B3GALT1: variants seen among roughly 807,000 people sequenced by gnomAD.
B3GALT1 encodes the protein beta-1,3-galactosyltransferase 1.
Under a neutral mutation model 23.2 loss-of-function variants are expected in B3GALT1, and 10 were observed. The observed-to-expected ratio is 0.43, with a 90% confidence interval of 0.27 to 0.73. B3GALT1 has a LOEUF of 0.73. Among genes scored for constraint, B3GALT1 ranks in the 30% least tolerant of loss-of-function variants. The pLI is 0.21. For synonymous variants in B3GALT1, 156 were observed against 141.5 expected, an observed-to-expected ratio of 1.10 and a Z score of -0.73; for missense variants, 299 against 405.4, an observed-to-expected ratio of 0.74 and a Z score of 2.25.
chr2:167,729,454 C>A (rs1687372918), intron 3 of B3GALT1, among the ~76,000 whole-genome samples: 2 of 152,118 alleles, frequency 1.3e-5, no homozygotes, highest in Admixed American at 1.3e-4. Flanking sequence ...CCCTGAAACA[C>A]CAGCTCAGAG....
chr2:167,759,656 A>G (rs1687870648), intron 3 of B3GALT1, among the ~76,000 whole-genome samples: 1 of 152,168 alleles, frequency 6.6e-6, no homozygotes, highest in East Asian at 1.9e-4. Context: ...TGATGAAACT[A>G]ATGGGCAGTG....
chr2:167,849,889 C>CAA (rs34125080), intron 4 of B3GALT1, among the ~76,000 whole-genome samples: 1,785 of 71,292 alleles, frequency 0.025, 52 homozygotes, highest in African/African-American at 0.087. Flanking sequence ...GACTCTGTCT[C>CAA]AAAAAAAAAA....
chr2:167,869,865 G>A lies in B3GALT1; in HGVS notation c.826G>A (p.Gly276Ser). 1 of 1,614,080 alleles carries A rather than the reference G, an allele frequency of 6.2e-7. No homozygotes were observed. Among genetic ancestry groups the A allele is most frequent in the Non-Finnish European group, 8.5e-7 (1 of 1,180,018 alleles). The change falls in exon 5 of 5, where the codon GGC becomes AGC. Residue 276 changes from glycine to serine, a missense_variant. By Grantham distance (56) the Gly-to-Ser change is moderately conservative. Coordinates refer to ENST00000392690, the MANE Select transcript of B3GALT1 (RefSeq NM_020981.4). This position sits in a 1 kb window ranked among gnomAD's most constrained non-coding sequence, Gnocchi z 6.4. ...VYVGLCLRKLGIHPFQNSGFN... is the reference protein window; with the variant it reads ...VYVGLCLRKLSIHPFQNSGFN... The stretch of plus-strand genomic sequence containing the variant: ...TGTGGGACTGTGTCTTCGAAAGCTG[G>A]GCATACATCCTTTCCAGAACAGTGG...
At chr2:167,617,390 A>T (rs1436408308) in intron 2 of B3GALT1, among the ~76,000 whole-genome samples, 1 of 152,096 alleles carries the variant, frequency 6.6e-6, no homozygotes, top group Non-Finnish European at 1.5e-5. Flanking sequence ...TGGCAAAGAG[A>T]CATGGTATGC....
intron 2 of B3GALT1, among the ~76,000 whole-genome samples, chr2:167,564,675 A>C (rs1195485051): frequency 6.6e-6 from 1 of 152,244 alleles, no homozygotes; most frequent in Admixed American, 6.5e-5. Context: ...AGCCCGGCCA[A>C]CACAGCGAAT....
chr2:167,518,293 A>T (rs1334799980), intron 2 of B3GALT1, among the ~76,000 whole-genome samples: 1 of 152,156 alleles, frequency 6.6e-6, no homozygotes, highest in Non-Finnish European at 1.5e-5. Flanking sequence ...CAAATGGAAA[A>T]TTATTTTCTT....
At chr2:167,568,434 AATAG>A (rs1026398849) in intron 2 of B3GALT1, among the ~76,000 whole-genome samples, 2 of 151,974 alleles carry the variant, frequency 1.3e-5, no homozygotes, top group Non-Finnish European at 2.9e-5. Flanking sequence ...TGGTCATTCT[AATAG>A]ATAGGTAGTG....
intron 1 of B3GALT1, among the ~76,000 whole-genome samples, chr2:167,439,827 T>G (rs1052795611): frequency 1.8e-5 from 2 of 110,822 alleles, no homozygotes; most frequent in Admixed American, 8.1e-5. Context: ...TTTTGTAGTA[T>G]TTTTTTTTTT....
At chr2:167,476,586 C>A (rs572002010) in intron 1 of B3GALT1, among the ~76,000 whole-genome samples, 2 of 152,014 alleles carry the variant, frequency 1.3e-5, no homozygotes, top group African/African-American at 4.8e-5. Flanking sequence ...GGAATTCTGT[C>A]GAATATTCAG....
chr2:167,694,654 T>C (rs1195136636), intron 3 of B3GALT1, among the ~76,000 whole-genome samples: 1 of 152,130 alleles, frequency 6.6e-6, no homozygotes, highest in Admixed American at 6.6e-5. Flanking sequence ...ATAACAAAAA[T>C]GGAAGCTGCA....
At chr2:167,583,205 T>C (rs563965682) in intron 2 of B3GALT1, among the ~76,000 whole-genome samples, 6 of 152,332 alleles carry the variant, frequency 3.9e-5, no homozygotes, top group South Asian at 2.1e-4. Context: ...GCTGTATTGC[T>C]GTATTTTTCC....
chr2:167,407,184 G>A (rs909763729), intron 1 of B3GALT1, among the ~76,000 whole-genome samples: 1 of 151,934 alleles, frequency 6.6e-6, no homozygotes, highest in South Asian at 2.1e-4. Context: ...TCAATAACAA[G>A]AGAAACCTCA....
At position 167,714,552 on chromosome 2, in the gene B3GALT1, G is replaced by A. The variant is rs182709165; in HGVS notation, c.-352+67586G>A. On this transcript the variant is annotated intron_variant, in intron 3 of 4. Transcript: ENST00000392690. ...CCAAATGTTGTATTTGAAACATCAA[G>A]TGCATTAGGATCTTTTTCTAAAAGT... 216 of 1,613,194 alleles carry A rather than the reference G, an allele frequency of 1.3e-4. 1 individual carries two copies. The African/African-American group carries it at 2.5e-3, about 19-fold the overall frequency.
At chr2:167,668,331 G>C (rs1381035757) in intron 3 of B3GALT1, among the ~76,000 whole-genome samples, 1 of 152,118 alleles carries the variant, frequency 6.6e-6, no homozygotes, top group African/African-American at 2.4e-5. Context: ...GCTGCATGCT[G>C]GGAGAACCAC....
chr2:167,493,340 T>C (rs1408370624), intron 2 of B3GALT1, among the ~76,000 whole-genome samples: 3 of 152,328 alleles, frequency 2.0e-5, no homozygotes, highest in Middle Eastern at 3.4e-3. Context: ...TATTTCCATT[T>C]TCAAATACAT....
At chr2:167,389,510 C>T (rs1305602213) in intron 1 of B3GALT1, among the ~76,000 whole-genome samples, 3 of 152,086 alleles carry the variant, frequency 2.0e-5, no homozygotes, top group South Asian at 4.1e-4. Flanking sequence ...GATGCTACCG[C>T]TGTTAGGGAG....
At chr2:167,301,877 A>T (rs1696452962) in intron 1 of B3GALT1, among the ~76,000 whole-genome samples, 1 of 152,162 alleles carries the variant, frequency 6.6e-6, no homozygotes, top group African/African-American at 2.4e-5. Context: ...CCAGTCCAAG[A>T]TCAAGGGACT....
chr2:167,430,832 A>G (rs148481004), intron 1 of B3GALT1, among the ~76,000 whole-genome samples: 76 of 152,236 alleles, frequency 5.0e-4, no homozygotes, highest in African/African-American at 1.7e-3. Flanking sequence ...GTGATGGCAT[A>G]CCCCCAAATT....
At chr2:167,467,102 CT>C (rs1209082309) in intron 1 of B3GALT1, among the ~76,000 whole-genome samples, 1 of 151,490 alleles carries the variant, frequency 6.6e-6, no homozygotes, top group East Asian at 2.0e-4. Context: ...GCAAATTTGT[CT>C]ACAATTTTTT....
Sources: gnomAD v4.1 joint callset for allele counts (sites outside exome capture counted in the v4.1 genomes callset) on GRCh38, gnomAD v4.1.1 for gene constraint, Gnocchi (gnomAD v3.1) non-coding constraint, MANE v1.5 for transcripts, NCBI Gene and HGNC (gene_info 2026-07-23, HGNC 2026-07-21) for gene names.